The following ANKFY1 variants were observed in gnomAD, a reference collection of about 807,000 sequenced individuals.
ANKFY1 encodes ankyrin repeat and FYVE domain-containing protein 1.
Under a neutral mutation model 128.3 loss-of-function variants are expected in ANKFY1, and 47 were observed. That is an observed-to-expected ratio of 0.37 (90% confidence interval 0.29 to 0.47). The LOEUF (loss-of-function observed/expected upper bound fraction) is 0.47, where lower values mean the gene tolerates loss of function less well. Ranked by LOEUF, ANKFY1 falls within the 20% of genes least tolerant of loss-of-function variation. The probability of loss-of-function intolerance (pLI) is 1.00; values close to 1 mark genes in which losing one functional copy is unlikely to be tolerated. For missense variants in ANKFY1, 1,222 were observed against 1,510.6 expected (o/e 0.81, Z 3.17); for synonymous variants, 553 against 601.6 (o/e 0.92, Z 1.18).
intron 1 of ANKFY1, among the ~76,000 whole-genome samples, chr17:4,250,529 A>C (rs1967770043): frequency 6.6e-6 from 1 of 152,212 alleles, no homozygotes; most frequent in African/African-American, 2.4e-5. Flanking sequence ...ACAGAGAGTT[A>C]TATACTACGC....
At chr17:4,254,670 T>G (rs1181406816) in intron 1 of ANKFY1, among the ~76,000 whole-genome samples, 1 of 152,212 alleles carries the variant, frequency 6.6e-6, no homozygotes, top group African/African-American at 2.4e-5. Flanking sequence ...CACCTATACT[T>G]ACAAACAAAA....
intron 1 of ANKFY1, among the ~76,000 whole-genome samples, chr17:4,259,872 G>A (rs1255560610): frequency 1.3e-5 from 2 of 152,196 alleles, no homozygotes; most frequent in African/African-American, 2.4e-5. Context: ...AGTGAGGGAT[G>A]CTCTCTAATG....
chr17:4,195,353 C>G, intron 9 of ANKFY1, 50 bp downstream of exon 9: 1 of 1,570,616 alleles, frequency 6.4e-7, no homozygotes. Context: ...TTTTCACTCA[C>G]AATCCCCCCT....
intron 1 of ANKFY1, among the ~76,000 whole-genome samples, chr17:4,243,667 T>A (rs1967376789): frequency 1.3e-5 from 2 of 152,136 alleles, no homozygotes; most frequent in African/African-American, 4.8e-5. Flanking sequence ...GGGTCTGTAA[T>A]CATATGAACT....
At chr17:4,212,984 C>A (rs911897315) in intron 4 of ANKFY1, among the ~76,000 whole-genome samples, 1 of 151,668 alleles carries the variant, frequency 6.6e-6, no homozygotes, top group African/African-American at 2.4e-5. Flanking sequence ...CCCATGTTAG[C>A]CAGGATGGTC....
At chr17:4,248,018 A>C (rs1967646443) in intron 1 of ANKFY1, among the ~76,000 whole-genome samples, 2 of 152,188 alleles carry the variant, frequency 1.3e-5, no homozygotes, top group Non-Finnish European at 2.9e-5. Flanking sequence ...CTCGCATTCC[A>C]GAGTCTCACT....
chr17:4,207,818 C>T, intron 6 of ANKFY1, 115 bp downstream of exon 6: 1 of 1,069,954 alleles, frequency 9.3e-7, no homozygotes, highest in South Asian at 2.1e-5. Flanking sequence ...TAGTAGAAAT[C>T]CGTACGTTAA....
intron 7 of ANKFY1, 64 bp from the exon 8 acceptor site, chr17:4,197,641 G>C: frequency 6.8e-7 from 1 of 1,478,562 alleles, no homozygotes; most frequent in Non-Finnish European, 9.3e-7. Flanking sequence ...GCTTCTTCAA[G>C]AGGGAGCAGA....
intron 6 of ANKFY1, 126 bp from the exon 7 acceptor site, chr17:4,206,612 C>A: frequency 1.3e-6 from 1 of 798,688 alleles, no homozygotes. Context: ...TCCAACACTG[C>A]TTACTCCCCA....
chr17:4,246,697 A>G (rs554943394), intron 1 of ANKFY1, among the ~76,000 whole-genome samples: 1 of 152,146 alleles, frequency 6.6e-6, no homozygotes, highest in South Asian at 2.1e-4. Flanking sequence ...AAGACCTCCA[A>G]CCCAGCATGA....
chr17:4,199,132 C>T (rs182703013), intron 7 of ANKFY1, among the ~76,000 whole-genome samples: 1 of 152,340 alleles, frequency 6.6e-6, no homozygotes, highest in Admixed American at 6.5e-5. Context: ...TGCACTCTAG[C>T]CTGGGTGACA....
intron 1 of ANKFY1, among the ~76,000 whole-genome samples, chr17:4,245,761 A>AAAAAAAAC (rs758076180): frequency 1.4e-5 from 2 of 140,518 alleles, no homozygotes; most frequent in African/African-American, 5.3e-5. Context: ...AAAAAAAAAA[A>AAAAAAAAC]CAACCAGCCA....
At chr17:4,255,883 T>G (rs2143540132) in intron 1 of ANKFY1, among the ~76,000 whole-genome samples, 1 of 152,000 alleles carries the variant, frequency 6.6e-6, no homozygotes, top group East Asian at 2.0e-4. Context: ...AATGGCGCGA[T>G]CTCAGCTCAC....
At chr17:4,200,459 T>C (rs751526377) in intron 7 of ANKFY1, among the ~76,000 whole-genome samples, 7 of 152,182 alleles carry the variant, frequency 4.6e-5, no homozygotes, top group East Asian at 1.9e-4. Flanking sequence ...TGATGGGTGA[T>C]AGCAAGTTAA....
At chr17:4,219,305 C>T (rs1464662228) in intron 3 of ANKFY1, among the ~76,000 whole-genome samples, 1 of 152,156 alleles carries the variant, frequency 6.6e-6, no homozygotes, top group African/African-American at 2.4e-5. Flanking sequence ...AAATCATGGT[C>T]AACGCAAGTA....
chr17:4,207,025 G>A (rs528557827), intron 6 of ANKFY1, among the ~76,000 whole-genome samples: 1 of 152,142 alleles, frequency 6.6e-6, no homozygotes, highest in South Asian at 2.1e-4. Context: ...AACATACCAC[G>A]TTACATGGCA....
intron 4 of ANKFY1, among the ~76,000 whole-genome samples, chr17:4,210,892 C>T (rs1029804148): frequency 2.1e-5 from 3 of 145,506 alleles, no homozygotes; most frequent in African/African-American, 5.1e-5. Flanking sequence ...ATTAGCCGGG[C>T]ATGGTGGCAG....
In ANKFY1 at chr17:4,178,418, T is replaced by C. The variant is rs886336275; in HGVS notation, c.2598+439A>G. 9.8e-6 allele frequency: 2 copies of C among 203,244 alleles called. No individual in the cohort carries two copies. The highest frequency in any genetic ancestry group is 1.8e-4 in the South Asian group (2 of 10,816). The allele number at this position is 203,244 out of a possible 1,614,324, so 12.6% of individuals were successfully genotyped here. ...GCAGATCAACAGTTCACCATCCCGATGTAGCAGCTGGTAAAGAACCACAAA... is the reference window on the plus strand; with the variant it reads ...GCAGATCAACAGTTCACCATCCCGACGTAGCAGCTGGTAAAGAACCACAAA... On this transcript the variant is annotated intron_variant, in intron 18 of 24. Transcript: ENST00000341657. The surrounding 1 kb of genome is among the most constrained non-coding windows in gnomAD (Gnocchi z 4.1).
chr17:4,261,540 T>C (rs544503593), intron 1 of ANKFY1, among the ~76,000 whole-genome samples: 1 of 152,240 alleles, frequency 6.6e-6, no homozygotes, highest in African/African-American at 2.4e-5. Flanking sequence ...ACTGCTTACC[T>C]AGCTATCCCC....
Sources: gnomAD v4.1 joint callset for allele counts (sites outside exome capture counted in the v4.1 genomes callset) on GRCh38, gnomAD v4.1.1 for gene constraint, Gnocchi (gnomAD v3.1) non-coding constraint, MANE v1.5 for transcripts, NCBI Gene and HGNC (gene_info 2026-07-23, HGNC 2026-07-21) for gene names.